The following ADAP1 variants were observed in gnomAD, a reference collection of about 807,000 sequenced individuals.
ADAP1 encodes arf-GAP with dual PH domain-containing protein 1.
In ADAP1, 31 loss-of-function variants were observed where a neutral mutation model predicts 54.9. That is an observed-to-expected ratio of 0.56 (90% CI 0.42 to 0.76). The LOEUF is 0.76. ADAP1 is among the 30% of genes least tolerant of loss of function. ADAP1 has a pLI of 0.00. For missense variants in ADAP1, 535 were observed against 512.4 expected, an observed-to-expected ratio of 1.04 and a Z score of -0.42; for synonymous variants, 313 against 202.6, an observed-to-expected ratio of 1.55 and a Z score of -4.63.
chr7:920,688 T>A lies in ADAP1; in HGVS notation c.306-638A>T. ...CGGGATGAGGAGAAGCCCCCGAGAGTAAAGCCCGGGACGAGGGCCCCCCAC... is the reference window on the plus strand; with the variant it reads ...CGGGATGAGGAGAAGCCCCCGAGAGAAAAGCCCGGGACGAGGGCCCCCCAC... On this transcript the variant is annotated intron_variant, in intron 3 of 10. Coordinates refer to ENST00000265846, the MANE Select transcript of ADAP1 (RefSeq NM_006869.4). This position sits in a 1 kb window ranked among gnomAD's most constrained non-coding sequence, Gnocchi z 4.5. 7.0e-6 allele frequency: 7 copies of A among 993,612 alleles called. No homozygotes were observed. The highest frequency in any genetic ancestry group is 1.8e-5 in the South Asian group (1 of 55,118). The allele number at this position is 993,612 out of a possible 1,614,324, so 61.5% of individuals were successfully genotyped here.
intron 3 of ADAP1, among the ~76,000 whole-genome samples, chr7:925,908 C>T (rs969758378): frequency 1.3e-5 from 2 of 152,172 alleles, no homozygotes; most frequent in African/African-American, 4.8e-5. Context: ...CGGGAGGGCA[C>T]CCAGTGGGCC....
chr7:905,369 AGGGAAAG>A (rs1168642116), intron 4 of ADAP1, 197 bp from the exon 5 acceptor site: 5 of 131,602 alleles, frequency 3.8e-5, no homozygotes, highest in Non-Finnish European at 6.6e-5. Flanking sequence ...GGAAAGGGAA[AGGGAAAG>A]GAGAAAGGAG....
At chr7:917,626 G>A (rs917425866) in intron 4 of ADAP1, among the ~76,000 whole-genome samples, 3 of 152,016 alleles carry the variant, frequency 2.0e-5, no homozygotes, top group Non-Finnish European at 4.4e-5. Context: ...CACCACACCT[G>A]GCTAATTTTT....
At chr7:955,097 G>A (rs1036736933), upstream of ADAP1, among the ~76,000 whole-genome samples, 12 of 152,144 alleles carry the variant, frequency 7.9e-5, no homozygotes, top group Non-Finnish European at 1.6e-4. Context: ...ACGGCCAGCA[G>A]GTGACAAACG....
At chr7:925,898 C>T (rs147528848) in intron 3 of ADAP1, among the ~76,000 whole-genome samples, 64 of 152,284 alleles carry the variant, frequency 4.2e-4, no homozygotes, top group African/African-American at 1.5e-3. Context: ...CATGGGGGGC[C>T]GGGAGGGCAC....
intron 2 of ADAP1, among the ~76,000 whole-genome samples, chr7:929,360 G>A (rs1381309993): frequency 6.6e-6 from 1 of 151,468 alleles, no homozygotes; most frequent in African/African-American, 2.4e-5. Context: ...TGGACACACG[G>A]TGCCCATGGA....
chr7:898,798 G>A lies in ADAP1; in HGVS notation c.*123C>T, dbSNP rs1562903618. 49 of 1,371,270 alleles carry A rather than the reference G, an allele frequency of 3.6e-5. No homozygotes were observed. In the East Asian group the frequency reaches 8.3e-4, roughly 23 times the overall value. The allele number at this position is 1,371,270 out of a possible 1,614,324, so 84.9% of individuals were successfully genotyped here. A position where few individuals can be genotyped will look rare whatever the true frequency, so the allele number is the denominator to read the frequency against. On this transcript the variant is annotated 3_prime_UTR_variant, in exon 11 of 11. Coordinates refer to ENST00000265846, the MANE Select transcript of ADAP1 (RefSeq NM_006869.4). ...TGAAGCTCGGGCCCTACCTGGCCGCGCCGGGCTGCCCTGAGGAGCAGGTGG... is the reference window on the plus strand; with the variant it reads ...TGAAGCTCGGGCCCTACCTGGCCGCACCGGGCTGCCCTGAGGAGCAGGTGG...
At chr7:950,684 C>T (rs1847245566) in intron 1 of ADAP1, among the ~76,000 whole-genome samples, 1 of 151,386 alleles carries the variant, frequency 6.6e-6, no homozygotes, top group African/African-American at 2.4e-5. Flanking sequence ...TGGCGAAACC[C>T]TGTCTCTACC....
At chr7:951,052 T>G (rs1847256282) in intron 1 of ADAP1, among the ~76,000 whole-genome samples, 1 of 151,330 alleles carries the variant, frequency 6.6e-6, no homozygotes, top group Non-Finnish European at 1.5e-5. Flanking sequence ...AACTGTGCAC[T>G]CGAAACGATG....
In ADAP1 at chr7:920,088, C is replaced by T. The variant is rs77061695; in HGVS notation, c.306-38G>A. ...GAGAGACTGAGCCACTGGGCCAAGG[C>T]GGCCTCCGACCCAGCACACGCCGCT... is the stretch of plus-strand genomic sequence containing the variant. On this transcript the variant is annotated intron_variant, in intron 3 of 10. Transcript: ENST00000265846. The surrounding 1 kb of genome is among the most constrained non-coding windows in gnomAD (Gnocchi z 4.5). The T allele has an allele frequency of 2.5e-3, 4,031 of 1,582,686 alleles. 73 individuals are homozygous for T. In the African/African-American group the frequency reaches 0.046, roughly 18 times the overall value.
intron 1 of ADAP1, among the ~76,000 whole-genome samples, chr7:940,930 T>C (rs6969773): frequency 0.49 from 73,595 of 151,586 alleles, 18,041 homozygotes; most frequent in East Asian, 0.68. Context: ...CCTGATAAAA[T>C]TCTCAGAAAA....
chr7:914,872 G>A (rs910064463), intron 4 of ADAP1, among the ~76,000 whole-genome samples: 1 of 152,092 alleles, frequency 6.6e-6, no homozygotes, highest in Admixed American at 6.5e-5. Flanking sequence ...CTACTGACCA[G>A]GCTGCAGGGG....
intron 1 of ADAP1, among the ~76,000 whole-genome samples, chr7:943,405 GTGAGGAGGAAGGGAA>G (rs1213084356): frequency 1.4e-4 from 2 of 14,806 alleles, no homozygotes. Context: ...GAGGAAGGGA[GTGAGGAGGAAGGGAA>G]TGAGGAGGAG....
chr7:920,020 C>T lies in ADAP1; in HGVS notation c.336G>A (p.Lys112=), dbSNP rs149827249. 6.8e-6 allele frequency: 11 copies of T among 1,607,768 alleles called. No homozygotes were observed. Among genetic ancestry groups the T allele is most frequent in the Admixed American group, 3.3e-5 (2 of 59,914 alleles). The change falls in exon 4 of 11, where the codon AAG becomes AAA. Residue 112 remains lysine, a synonymous_variant. Transcript: ENST00000265846. The surrounding 1 kb of genome is among the most constrained non-coding windows in gnomAD (Gnocchi z 4.5). ...QLLREQWIRA[K]YERQEFIYPE... is the part of the protein sequence containing the mutation. The stretch of plus-strand genomic sequence containing the variant: ...GGTAGATGAACTCCTGTCGCTCGTA[C>T]TTGGCCCGGATCCACTGCTCTCGAA...
At chr7:933,048 G>T (rs1290897365) in intron 2 of ADAP1, among the ~76,000 whole-genome samples, 1 of 152,022 alleles carries the variant, frequency 6.6e-6, no homozygotes, top group African/African-American at 2.4e-5. Context: ...GAGGTGGGTG[G>T]ATCACCTGCG....
intron 4 of ADAP1, among the ~76,000 whole-genome samples, chr7:912,774 C>T (rs1845775919): frequency 6.6e-6 from 1 of 152,130 alleles, no homozygotes; most frequent in Non-Finnish European, 1.5e-5. Context: ...GATCTCGGCT[C>T]CCTGCAACCT....
intron 4 of ADAP1, among the ~76,000 whole-genome samples, chr7:915,118 A>G (rs935100977): frequency 5.8e-5 from 3 of 51,314 alleles, no homozygotes; most frequent in Non-Finnish European, 7.3e-5. Context: ...ACTCTGGAGC[A>G]GCCGCAGTCT....
In ADAP1 at chr7:899,197, C is replaced by G; in HGVS notation, c.932G>C (p.Gly311Ala). Reference sequence around the variant, plus strand: ...GTGGCCCTGGGTGGACGGCGGGAACCCATGCAGCACCGTGTAGCCACTCTC... The same window carrying G: ...GTGGCCCTGGGTGGACGGCGGGAACGCATGCAGCACCGTGTAGCCACTCTC... ...SKESGYTVLH[G>A]FPPSTQGHHW... The change falls in exon 10 of 11, where the codon GGG becomes GCG. Residue 311 changes from glycine (G) to alanine (A), a missense_variant. By Grantham distance (60) the Gly-to-Ala change is moderately conservative. Coordinates refer to ENST00000265846, the MANE Select transcript of ADAP1 (RefSeq NM_006869.4). 6.2e-7 allele frequency: 1 copy of G among 1,612,598 alleles called. No individual in the cohort carries two copies. The highest frequency in any genetic ancestry group is 8.5e-7 in the Non-Finnish European group (1 of 1,179,972).
chr7:917,872 G>A (rs1368655081), intron 4 of ADAP1, among the ~76,000 whole-genome samples: 1 of 152,104 alleles, frequency 6.6e-6, no homozygotes, highest in African/African-American at 2.4e-5. Flanking sequence ...CCAGGCTCAA[G>A]AGATCCTCCC....
Sources: allele counts gnomAD v4.1 joint callset (sites outside exome capture counted in the v4.1 genomes callset), GRCh38; gene constraint gnomAD v4.1.1; non-coding constraint Gnocchi (gnomAD v3.1); transcripts MANE v1.5; gene names NCBI Gene and HGNC (gene_info 2026-07-23, HGNC 2026-07-21).